Variants in LRFN2 observed in about 807,000 individuals in gnomAD.
LRFN2 encodes leucine rich repeat and fibronectin type III domain containing 2, also known as leucine-rich repeat and fibronectin type-III domain-containing protein 2.
A neutral mutation model predicts 37.3 loss-of-function variants in LRFN2; 18 were observed. The observed-to-expected ratio is 0.48, with a 90% CI of 0.33 to 0.72. LRFN2 has a LOEUF of 0.72. LRFN2 is among the 30% of genes least tolerant of loss of function. The pLI is 0.02. For synonymous variants in LRFN2, 556 were observed against 466.6 expected, an observed-to-expected ratio of 1.19 and a Z score of -2.47; for missense variants, 1,006 against 1,060.7, an observed-to-expected ratio of 0.95 and a Z score of 0.72.
At chr6:40,538,833 G>T (rs1381467826) in intron 1 of LRFN2, among the ~76,000 whole-genome samples, 3 of 152,240 alleles carry the variant, frequency 2.0e-5, no homozygotes, top group African/African-American at 7.2e-5. Flanking sequence ...CACAGTGTCA[G>T]ATTCTGTCTT....
intron 1 of LRFN2, among the ~76,000 whole-genome samples, chr6:40,438,002 AG>A (rs2113831428): frequency 1.3e-5 from 2 of 152,342 alleles, no homozygotes; most frequent in East Asian, 3.9e-4. Context: ...TTGTGGGCAA[AG>A]CTGAGAGAGG....
At chr6:40,549,433 G>A (rs1766728043) in intron 1 of LRFN2, among the ~76,000 whole-genome samples, 1 of 152,048 alleles carries the variant, frequency 6.6e-6, no homozygotes, top group Non-Finnish European at 1.5e-5. Context: ...AGAAATTTTA[G>A]GATATTGGAA....
chr6:40,494,932 T>A (rs1407529068), intron 1 of LRFN2, among the ~76,000 whole-genome samples: 1 of 152,192 alleles, frequency 6.6e-6, no homozygotes, highest in Non-Finnish European at 1.5e-5. Flanking sequence ...ACTCTTGTTG[T>A]CCTTGGACTT....
intron 1 of LRFN2, among the ~76,000 whole-genome samples, chr6:40,527,251 C>T (rs1766271288): frequency 1.3e-5 from 2 of 152,162 alleles, no homozygotes; most frequent in Admixed American, 1.3e-4. Flanking sequence ...CTTCCAGGGC[C>T]TTCTCTAACA....
Position 40,392,794 on chromosome 6 carries a change from T to C in LRFN2, c.1519A>G (p.Ile507Val), listed in dbSNP as rs1270034551. The change falls in exon 3 of 3, where the codon ATC becomes GTC. Residue 507 changes from isoleucine to valine, a missense_variant. By Grantham distance (29) the Ile-to-Val change is conservative (BLOSUM62 3). Around this residue, in one of 4 missense-constraint regions of LRFN2, gnomAD observed 120 missense variants for 178.4 expected, o/e 0.67. Coordinates refer to ENST00000338305, the MANE Select transcript of LRFN2 (RefSeq NM_020737.3). The surrounding 1 kb of genome is among the most constrained non-coding windows in gnomAD (Gnocchi z 4.7). ...DTATTLTATN[I>V]VGCAQFFTKA... ...GTGAAGAACTGGGCGCAGCCCACGA[T>C]GTTGGTGGCCGTGAGTGTCGTGGCT... The C allele has an allele frequency of 1.2e-6, 2 of 1,613,966 alleles. No individual in the cohort carries two copies. The highest frequency in any genetic ancestry group is 1.7e-6 in the Non-Finnish European group (2 of 1,180,004).
At chr6:40,461,280 C>T (rs752114771) in intron 1 of LRFN2, among the ~76,000 whole-genome samples, 13 of 151,926 alleles carry the variant, frequency 8.6e-5, no homozygotes, top group Non-Finnish European at 1.5e-4. Context: ...ATGGTAGTCA[C>T]ACCTGCAGTC....
chr6:40,500,704 C>T (rs1581754187), intron 1 of LRFN2, among the ~76,000 whole-genome samples: 1 of 152,182 alleles, frequency 6.6e-6, no homozygotes, highest in South Asian at 2.1e-4. Context: ...TGGACTGCAA[C>T]TATTAAGAAA....
At chr6:40,555,774 G>A (rs547541367) in intron 1 of LRFN2, among the ~76,000 whole-genome samples, 1 of 152,164 alleles carries the variant, frequency 6.6e-6, no homozygotes, top group East Asian at 1.9e-4. Flanking sequence ...ATGAGATTCA[G>A]TGGGGAGTCT....
intron 1 of LRFN2, among the ~76,000 whole-genome samples, chr6:40,521,534 C>T (rs1425295468): frequency 2.0e-5 from 3 of 152,228 alleles, no homozygotes; most frequent in South Asian, 2.1e-4. Context: ...ATGTTGGTGC[C>T]GATTAATCCT....
chr6:40,401,110 A>G (rs552911109), intron 2 of LRFN2, among the ~76,000 whole-genome samples: 54 of 151,774 alleles, frequency 3.6e-4, no homozygotes, highest in African/African-American at 1.2e-3. Context: ...TTTACCCCCC[A>G]GAAAAGGCAT....
intron 1 of LRFN2, among the ~76,000 whole-genome samples, chr6:40,580,099 G>A (rs1203491645): frequency 2.6e-5 from 4 of 152,310 alleles, no homozygotes; most frequent in South Asian, 2.1e-4. Flanking sequence ...GATGATGAGC[G>A]TAGCTTGATC....
At chr6:40,495,867 T>A (rs1235958187) in intron 1 of LRFN2, among the ~76,000 whole-genome samples, 1 of 152,150 alleles carries the variant, frequency 6.6e-6, no homozygotes, top group Non-Finnish European at 1.5e-5. Context: ...ATTCTTCACA[T>A]TTACCTCCAG....
intron 1 of LRFN2, among the ~76,000 whole-genome samples, chr6:40,464,450 C>A (rs1457015043): frequency 6.6e-6 from 1 of 152,126 alleles, no homozygotes; most frequent in Admixed American, 6.5e-5. Flanking sequence ...TTGTCCACTC[C>A]CCTCCCCACT....
chr6:40,500,281 C>T (rs1390089627), intron 1 of LRFN2, among the ~76,000 whole-genome samples: 12 of 152,244 alleles, frequency 7.9e-5, no homozygotes. Context: ...TATTTCCTGT[C>T]AGGTTTGGCC....
intron 1 of LRFN2, among the ~76,000 whole-genome samples, chr6:40,565,625 G>T (rs1286423747): frequency 6.6e-6 from 1 of 152,132 alleles, no homozygotes; most frequent in Non-Finnish European, 1.5e-5. Context: ...ACAAAAACAA[G>T]AAATGGGGAA....
chr6:40,457,016 C>A (rs1284826791), intron 1 of LRFN2, among the ~76,000 whole-genome samples: 1 of 152,104 alleles, frequency 6.6e-6, no homozygotes, highest in East Asian at 1.9e-4. Flanking sequence ...ACCATCCAAT[C>A]CCCTCCAACC....
intron 1 of LRFN2, chr6:40,502,177 C>T (rs776221417): frequency 6.6e-6 from 1 of 152,268 alleles, no homozygotes; most frequent in Non-Finnish European, 1.5e-5. Flanking sequence ...GTCATTATCC[C>T]CACTTTGCTG....
At position 40,497,803 on chromosome 6, in the gene LRFN2, G is replaced by T. The variant is rs568699203; in HGVS notation, c.-18-64672C>A. The stretch of plus-strand genomic sequence containing the variant: ...ATGGCCTTTGCAGAGAGGGCCTTGG[G>T]CTCCCCAGGAAGCAAGGATGATCAA... On this transcript the variant is annotated intron_variant, in intron 1 of 2. Transcript: ENST00000338305. 7.9e-5 allele frequency among the ~76,000 whole-genome samples: 12 copies of T among 152,224 alleles called. No homozygotes were observed. In the East Asian group the frequency reaches 2.3e-3, roughly 29 times the overall value.
At chr6:40,435,046 T>TAG (rs1223267077) in intron 1 of LRFN2, among the ~76,000 whole-genome samples, 425 of 81,078 alleles carry the variant, frequency 5.2e-3, no homozygotes, top group Non-Finnish European at 7.1e-3. Context: ...TATATATATA[T>TAG]ATATATAGAG....
Sources: gnomAD v4.1 joint callset for allele counts (sites outside exome capture counted in the v4.1 genomes callset) on GRCh38, gnomAD v4.1.1 for gene constraint, gnomAD v4.1.1 regional missense constraint, Gnocchi (gnomAD v3.1) non-coding constraint, MANE v1.5 for transcripts, NCBI Gene and HGNC (gene_info 2026-07-23, HGNC 2026-07-21) for gene names.